GRAMD1C: variants seen among roughly 807,000 people sequenced by gnomAD.
GRAMD1C encodes the protein protein Aster-C.
A neutral mutation model predicts 97.8 loss-of-function variants in GRAMD1C; 89 were observed. That is an observed-to-expected ratio of 0.91 (90% CI 0.77 to 1.09). The LOEUF (loss-of-function observed/expected upper bound fraction) is 1.09. Ranked by LOEUF, GRAMD1C falls within the 50% of genes least tolerant of loss-of-function variation. GRAMD1C has a pLI of 0.00. For synonymous variants in GRAMD1C, 256 were observed against 267.0 expected, an observed-to-expected ratio of 0.96 and a Z score of 0.40; for missense variants, 740 against 766.4, an observed-to-expected ratio of 0.97 and a Z score of 0.41.
In GRAMD1C at chr3:113,920,308, C is replaced by A. The variant is rs942578932; in HGVS notation, c.1090+4470C>A. 2.7e-5 allele frequency: 12 copies of A among 439,044 alleles called. No individual in the cohort carries two copies. In the Admixed American group the frequency reaches 3.7e-4, roughly 13 times the overall value. The allele number at this position is 439,044 out of a possible 1,614,324, so 27.2% of individuals were successfully genotyped here. A position where few individuals can be genotyped will look rare whatever the true frequency, so the allele number is the denominator to read the frequency against. ...TGTAGAGGGGAGAAAGAGCAAAACT[C>A]CATATATATTAGTCTTCCTTTATCT... On this transcript the variant is annotated intron_variant, in intron 10 of 17. Transcript: ENST00000358160.
chr3:113,868,202 C>CT (rs1934657468), intron 2 of GRAMD1C, among the ~76,000 whole-genome samples: 1 of 152,028 alleles, frequency 6.6e-6, no homozygotes, highest in African/African-American at 2.4e-5. Context: ...TCCTTTAGTT[C>CT]TTTAAGCATG....
intron 2 of GRAMD1C, among the ~76,000 whole-genome samples, chr3:113,852,878 G>C (rs1933969154): frequency 6.6e-6 from 1 of 151,968 alleles, no homozygotes; most frequent in African/African-American, 2.4e-5. Context: ...CAGGGCTTAG[G>C]GTGGGAGTGG....
At chr3:113,843,934 C>G (rs1933491667) in intron 1 of GRAMD1C, among the ~76,000 whole-genome samples, 1 of 152,178 alleles carries the variant, frequency 6.6e-6, no homozygotes, top group Admixed American at 6.5e-5. Context: ...TTCTTTCCTA[C>G]TGGGCATTGC....
intron 10 of GRAMD1C, among the ~76,000 whole-genome samples, chr3:113,920,504 C>T (rs1406415167): frequency 3.9e-5 from 6 of 152,010 alleles, no homozygotes; most frequent in African/African-American, 7.2e-5. Flanking sequence ...TAAAAATTTT[C>T]GGGTGAGAAA....
intron 3 of GRAMD1C, among the ~76,000 whole-genome samples, chr3:113,871,595 A>AT (rs1344245654): frequency 6.6e-6 from 1 of 151,744 alleles, no homozygotes; most frequent in East Asian, 1.9e-4. Context: ...AATACAAAAA[A>AT]TTAGCCAGGT....
chr3:113,868,594 T>A (rs1252517429), intron 2 of GRAMD1C, among the ~76,000 whole-genome samples: 2 of 152,302 alleles, frequency 1.3e-5, no homozygotes, highest in African/African-American at 4.8e-5. Flanking sequence ...GATCACCTCT[T>A]ATGTCAGCCA....
intron 15 of GRAMD1C, 199 bp downstream of exon 15, chr3:113,938,342 G>C: frequency 2.5e-6 from 1 of 403,772 alleles, no homozygotes; most frequent in Non-Finnish European, 4.4e-6. Flanking sequence ...TGTTAAATTT[G>C]AGGAAATACA....
chr3:113,863,259 G>C (rs1218851715), intron 2 of GRAMD1C, among the ~76,000 whole-genome samples: 1 of 152,130 alleles, frequency 6.6e-6, no homozygotes, highest in Non-Finnish European at 1.5e-5. Context: ...CCATAAGCTA[G>C]AATGAAGTAA....
At chr3:113,831,592 T>C (rs1026139650) in intron 1 of GRAMD1C, among the ~76,000 whole-genome samples, 1 of 152,146 alleles carries the variant, frequency 6.6e-6, no homozygotes, top group South Asian at 2.1e-4. Context: ...ACAGGTCTTA[T>C]GGGTTCTGTT....
intron 6 of GRAMD1C, among the ~76,000 whole-genome samples, chr3:113,883,307 T>G (rs537588394): frequency 7.2e-5 from 11 of 152,230 alleles, no homozygotes; most frequent in African/African-American, 2.4e-4. Flanking sequence ...AGCGGATTGC[T>G]TGAGCCCAAG....
intron 5 of GRAMD1C, among the ~76,000 whole-genome samples, chr3:113,880,462 C>T (rs768276907): frequency 3.3e-5 from 5 of 151,904 alleles, no homozygotes; most frequent in Admixed American, 1.3e-4. Context: ...TAGGTCTGCA[C>T]GTGTAGATAG....
intron 1 of GRAMD1C, among the ~76,000 whole-genome samples, chr3:113,833,120 C>CT (rs200062835): frequency 0.27 from 35,288 of 129,372 alleles, 4,891 homozygotes; most frequent in Admixed American, 0.31. Context: ...TTCTTTCTTT[C>CT]TTTTTTTTTT....
In GRAMD1C at chr3:113,938,076, T is replaced by C; in HGVS notation, c.1634-10T>C. ...TCATTCTAATGCAGCCTTTTTCTTG[T>C]GATCTACAGGAAAGAAAAAGGAAAT... On this transcript the variant is annotated splice_polypyrimidine_tract_variant and intron_variant, in intron 14 of 17. Transcript: ENST00000358160. The C allele has an allele frequency of 7.0e-7, 1 of 1,433,136 alleles. No individual in the cohort carries two copies. The highest frequency in any genetic ancestry group is 9.6e-7 in the Non-Finnish European group (1 of 1,040,926). 88.8% of individuals were successfully genotyped at this position (1,433,136 alleles called of 1,614,324 possible).
At chr3:113,924,316 T>C (rs1461459159) in intron 10 of GRAMD1C, among the ~76,000 whole-genome samples, 4 of 152,184 alleles carry the variant, frequency 2.6e-5, no homozygotes, top group East Asian at 3.8e-4. Context: ...TTCTGCTAGC[T>C]TTGGGGTTGA....
intron 8 of GRAMD1C, among the ~76,000 whole-genome samples, chr3:113,905,914 C>G (rs1263210682): frequency 3.3e-5 from 5 of 152,128 alleles, no homozygotes; most frequent in African/African-American, 1.2e-4. Flanking sequence ...CCAGGCTGGT[C>G]TCGAACACCT....
At chr3:113,904,300 A>G (rs1233332700) in intron 8 of GRAMD1C, 28 bp downstream of exon 8, 1 of 1,448,864 alleles carries the variant, frequency 6.9e-7, no homozygotes, top group East Asian at 2.3e-5. Context: ...CTTTTAAAAT[A>G]TATCTGGTAC....
chr3:113,874,982 G>A (rs1362555309), intron 3 of GRAMD1C, among the ~76,000 whole-genome samples: 1 of 152,158 alleles, frequency 6.6e-6, no homozygotes, highest in Non-Finnish European at 1.5e-5. Flanking sequence ...CATGGCTTGT[G>A]AGACTTTACA....
chr3:113,890,077 C>T (rs1026956222), intron 6 of GRAMD1C, among the ~76,000 whole-genome samples: 1 of 151,822 alleles, frequency 6.6e-6, no homozygotes, highest in African/African-American at 2.4e-5. Flanking sequence ...TTGAACTGAA[C>T]GCTGAGGACA....
chr3:113,910,355 C>T (rs1936521878), intron 9 of GRAMD1C, among the ~76,000 whole-genome samples: 1 of 152,140 alleles, frequency 6.6e-6, no homozygotes, highest in Non-Finnish European at 1.5e-5. Flanking sequence ...TGCACTCCAG[C>T]CTGGGTGACA....
Sources: allele counts gnomAD v4.1 joint callset (sites outside exome capture counted in the v4.1 genomes callset), GRCh38; gene constraint gnomAD v4.1.1; transcripts MANE v1.5; gene names NCBI Gene and HGNC (gene_info 2026-07-23, HGNC 2026-07-21).